UCP3: variants seen among roughly 807,000 people sequenced by gnomAD.
UCP3 encodes the protein putative mitochondrial transporter UCP3.
In UCP3, 24 loss-of-function variants were observed where a neutral mutation model predicts 28.1. The ratio of observed to expected loss-of-function variants is 0.85; its 90% CI spans 0.62 to 1.20. The LOEUF (loss-of-function observed/expected upper bound fraction) is 1.20, where lower values mean the gene tolerates loss of function less well. Ranked by LOEUF, UCP3 falls within the 50% of genes most tolerant of loss-of-function variation. UCP3 has a pLI of 0.00. For synonymous variants in UCP3, 184 were observed against 171.2 expected (o/e 1.07, Z -0.59); for missense variants, 397 against 422.2 (o/e 0.94, Z 0.52).
At chr11:74,005,644 G>A in intron 4 of UCP3, 86 bp downstream of exon 4, 1 of 1,440,166 alleles carries the variant, frequency 6.9e-7, no homozygotes. Context: ...CATGCTGGGA[G>A]TCCCCTCCTT....
chr11:74,004,406 G>C, intron 5 of UCP3, 78 bp downstream of exon 5: 1 of 1,352,512 alleles, frequency 7.4e-7, no homozygotes, highest in Admixed American at 1.9e-5. Context: ...AGTTGCCTCT[G>C]GGTGGTGCCC....
intron 3 of UCP3, 66 bp from the exon 4 acceptor site, chr11:74,005,999 C>A (rs1951662370): frequency 6.3e-7 from 1 of 1,587,888 alleles, no homozygotes; most frequent in South Asian, 1.1e-5. Flanking sequence ...ATGCTGTTCT[C>A]TGCGGGGCTG....
intron 6 of UCP3, chr11:74,001,902 C>G (rs1951624657): frequency 3.5e-6 from 1 of 283,078 alleles, no homozygotes; most frequent in African/African-American, 2.2e-5. Flanking sequence ...TAACTCCACC[C>G]TGCTGCTGGG....
In UCP3 at chr11:74,006,343, G is replaced by C; in HGVS notation, c.163C>G (p.Leu55Val). 6.3e-7 allele frequency: 1 copy of C among 1,591,828 alleles called. No individual in the cohort carries two copies. The highest frequency in any genetic ancestry group is 1.1e-5 in the South Asian group (1 of 89,822). ...GENQAVQTAR[L>V]VQYRGVLGTI... ...CCCAGCACGCCACGGTACTGCACGA[G>C]CCGGGCCGTCTGGACCGCCTGGTTC... Residue 55 changes from leucine (L) to valine (V), a missense_variant, in exon 3 of 7, where the codon CTC becomes GTC. Leu to Val is a conservative substitution (Grantham distance 32). Coordinates refer to ENST00000314032, the MANE Select transcript of UCP3 (RefSeq NM_003356.4).
Position 74,000,357 on chromosome 11 carries a change from A to T in UCP3, c.*1055T>A, listed in dbSNP as rs973956880. On this transcript the variant is annotated 3_prime_UTR_variant, in exon 7 of 7. Transcript: ENST00000314032. ...TTTCCCGAGAATTCCGAGTCCTGCT[A>T]CTTTAGGTTCTTGCCCAGGAATCCA... 1 of 150,228 alleles carries T rather than the reference A, an allele frequency of 6.7e-6. No homozygotes were observed. The highest frequency in any genetic ancestry group is 1.5e-5 in the Non-Finnish European group (1 of 67,736). 9.3% of individuals were successfully genotyped at this position (150,228 alleles called of 1,614,324 possible).
In UCP3 at chr11:74,000,439, G is replaced by GC. The variant is rs1591232489; in HGVS notation, c.*972_*973insG. On this transcript the variant is annotated 3_prime_UTR_variant, in exon 7 of 7. Transcript: ENST00000314032. ...AGGTACTCATGATTGAGCACGTGGTGGGGGGGGTGGGGAAGAGGCTGCATG... is the reference window on the plus strand; with the variant it reads ...AGGTACTCATGATTGAGCACGTGGTGCGGGGGGGTGGGGAAGAGGCTGCATG... 1.9e-5 allele frequency: 1 copy of GC among 51,292 alleles called. No homozygotes were observed. The highest frequency in any genetic ancestry group is 5.0e-5 in the African/African-American group (1 of 20,038). 3.2% of individuals were successfully genotyped at this position (51,292 alleles called of 1,614,324 possible).
rs1951674179 is a variant in UCP3, at chr11:74,007,206, C to T, written c.-95-69G>A. ...CCTGGCTCCCAGGAACTCTTCCTTACCCAGGAGGGGCTTTAGAAAGGGAGA... is the reference window on the plus strand; with the variant it reads ...CCTGGCTCCCAGGAACTCTTCCTTATCCAGGAGGGGCTTTAGAAAGGGAGA... On this transcript the variant is annotated intron_variant, in intron 1 of 6. Coordinates refer to ENST00000314032, the MANE Select transcript of UCP3 (RefSeq NM_003356.4). The T allele has an allele frequency of 2.2e-5, 20 of 889,786 alleles. No individual in the cohort carries two copies. The South Asian group carries it at 3.2e-4, about 14-fold the overall frequency. The allele number at this position is 889,786 out of a possible 1,614,324, so 55.1% of individuals were successfully genotyped here. A position where few individuals can be genotyped will look rare whatever the true frequency, so the allele number is the denominator to read the frequency against.
chr11:74,008,773 C>T (rs551924095), intron 1 of UCP3, among the ~76,000 whole-genome samples: 2 of 152,206 alleles, frequency 1.3e-5, no homozygotes, highest in South Asian at 2.1e-4. Context: ...GGTTCAAGCC[C>T]CAGCCCTGCC....
In UCP3 at chr11:74,006,947, A is replaced by G. The variant is rs1258344439; in HGVS notation, c.96T>C (p.Phe32=). The G allele has an allele frequency of 1.9e-6, 3 of 1,614,066 alleles. No homozygotes were observed. Among genetic ancestry groups the G allele is most frequent in the Non-Finnish European group, 2.5e-6 (3 of 1,180,044 alleles). ...GGCGGACCTTGGCTGTGTCCAGTGG[A>G]AAGGTAACGAGGTCAGCAAAACAGG... The part of the protein sequence containing the change: ...TAACFADLVT[F]PLDTAKVRLQ... Residue 32 remains phenylalanine (F), a synonymous_variant, in exon 2 of 7, where the codon TTT becomes TTC. Transcript: ENST00000314032.
At chr11:74,005,632 G>T in intron 4 of UCP3, 98 bp downstream of exon 4, 2 of 1,333,596 alleles carry the variant, frequency 1.5e-6, no homozygotes, top group Non-Finnish European at 2.1e-6. Context: ...ACTGGAACAC[G>T]CCATGCTGGG....
chr11:74,007,816 G>A (rs952385012), intron 1 of UCP3, among the ~76,000 whole-genome samples: 1 of 152,152 alleles, frequency 6.6e-6, no homozygotes, highest in African/African-American at 2.4e-5. Flanking sequence ...GGTGGGCACA[G>A]GTAGGAGGTG....
chr11:74,004,030 T>C, intron 5 of UCP3, 23 bp from the exon 6 acceptor site: 1 of 1,612,816 alleles, frequency 6.2e-7, no homozygotes, highest in South Asian at 1.1e-5. Flanking sequence ...GACAAGCAAA[T>C]ATCAAGGAGT....
At chr11:74,002,582 C>T (rs759330484) in intron 6 of UCP3, among the ~76,000 whole-genome samples, 4 of 152,104 alleles carry the variant, frequency 2.6e-5, no homozygotes, top group Non-Finnish European at 5.9e-5. Flanking sequence ...AGCACAGGGC[C>T]CAGCATCAAT....
At chr11:74,006,623 G>A (rs1002106586) in intron 2 of UCP3, among the ~76,000 whole-genome samples, 4 of 152,210 alleles carry the variant, frequency 2.6e-5, no homozygotes, top group African/African-American at 9.7e-5. Flanking sequence ...TTTTATAAGT[G>A]CTTCGTGGCT....
intron 2 of UCP3, 26 bp from the exon 3 acceptor site, chr11:74,006,405 G>A (rs764912790): frequency 3.3e-6 from 5 of 1,516,266 alleles, no homozygotes; most frequent in Non-Finnish European, 4.4e-6. Flanking sequence ...AGGGGGTGAG[G>A]ACTCAGATGG....
chr11:74,006,323 C>A lies in UCP3; in HGVS notation c.183G>T (p.Val61=), dbSNP rs534372599. 7 of 1,606,658 alleles carry A rather than the reference C, an allele frequency of 4.4e-6. No individual in the cohort carries two copies. The African/African-American group carries it at 6.7e-5, about 15-fold the overall frequency. The change falls in exon 3 of 7, where the codon GTG becomes GTT. Residue 61 remains valine (V), a synonymous_variant. Transcript: ENST00000314032. ...GCACCATGGTCAGGATGGTGCCCAG[C>A]ACGCCACGGTACTGCACGAGCCGGG... The part of the protein sequence containing the change: ...QTARLVQYRG[V]LGTILTMVRT...
intron 6 of UCP3, 59 bp downstream of exon 6, chr11:74,003,768 C>T (rs1025702306): frequency 5.3e-6 from 8 of 1,520,988 alleles, no homozygotes; most frequent in African/African-American, 4.2e-5. Context: ...TAGCCACATT[C>T]GAAAAGAAAG....
At chr11:74,003,088 T>C (rs1300235387) in intron 6 of UCP3, 2 of 359,734 alleles carry the variant, frequency 5.6e-6, no homozygotes, top group Non-Finnish European at 7.7e-6. Context: ...GCTGTTGGGA[T>C]AACGTGTGTA....
At chr11:74,008,655 A>C (rs1006769749) in intron 1 of UCP3, among the ~76,000 whole-genome samples, 2 of 152,170 alleles carry the variant, frequency 1.3e-5, no homozygotes, top group Admixed American at 6.5e-5. Context: ...ATTCTGGGGC[A>C]GGCAAAGAAG....
Sources: allele counts gnomAD v4.1 joint callset (sites outside exome capture counted in the v4.1 genomes callset), GRCh38; gene constraint gnomAD v4.1.1; transcripts MANE v1.5; gene names NCBI Gene and HGNC (gene_info 2026-07-23, HGNC 2026-07-21).